Variants in SYTL2 observed in about 807,000 individuals in gnomAD.
SYTL2 encodes synaptotagmin-like protein 2.
SYTL2 carries 165 observed loss-of-function variants against 198.7 expected under a neutral mutation model. The ratio of observed to expected loss-of-function variants is 0.83; its 90% CI spans 0.73 to 0.94. The LOEUF is 0.94. Ranked by LOEUF, SYTL2 falls within the 40% of genes least tolerant of loss-of-function variation. SYTL2 has a pLI of 0.00. For missense variants in SYTL2, 2,835 were observed against 2,582.8 expected (o/e 1.10, Z -2.12); for synonymous variants, 966 against 917.7 (o/e 1.05, Z -0.95).
chr11:85,759,797 G>T (rs1465882167), intron 1 of SYTL2, among the ~76,000 whole-genome samples: 1 of 152,124 alleles, frequency 6.6e-6, no homozygotes, highest in East Asian at 1.9e-4. Context: ...GCATGTGCTT[G>T]CATATGCTAC....
the SYTL2 span, among the ~76,000 whole-genome samples, chr11:85,831,800 C>T: frequency 6.6e-6 from 1 of 152,094 alleles, no homozygotes; most frequent in South Asian, 2.1e-4. Flanking sequence ...CAACAAAAAA[C>T]TCAGGAGTGA....
At chr11:85,711,885 C>T (rs2086360506) in intron 12 of SYTL2, among the ~76,000 whole-genome samples, 1 of 152,000 alleles carries the variant, frequency 6.6e-6, no homozygotes, top group South Asian at 2.1e-4. Flanking sequence ...TAGATTTTAA[C>T]ACATTTTTTA....
intron 7 of SYTL2, among the ~76,000 whole-genome samples, chr11:85,732,005 C>G (rs899380789): frequency 3.9e-5 from 6 of 152,204 alleles, no homozygotes; most frequent in African/African-American, 1.4e-4. Flanking sequence ...CTCATTATCA[C>G]TGGTCATTAG....
At chr11:85,782,795 C>T (rs1045466989) in intron 1 of SYTL2, among the ~76,000 whole-genome samples, 2 of 152,238 alleles carry the variant, frequency 1.3e-5, no homozygotes, top group African/African-American at 2.4e-5. Flanking sequence ...TGCCACCAGT[C>T]TCTTTACCAA....
At chr11:85,713,529 G>A (rs988921826) in intron 12 of SYTL2, among the ~76,000 whole-genome samples, 1 of 152,118 alleles carries the variant, frequency 6.6e-6, no homozygotes, top group African/African-American at 2.4e-5. Context: ...CCAAAGCTTA[G>A]GCTCCTAACT....
the SYTL2 span, among the ~76,000 whole-genome samples, chr11:85,816,758 A>G: frequency 3.9e-5 from 6 of 152,096 alleles, 1 homozygote; most frequent in Non-Finnish European, 7.4e-5. Context: ...AAAAATAAAA[A>G]TAAAAAATAG....
At chr11:85,828,801 G>A in the SYTL2 span, among the ~76,000 whole-genome samples, 943 of 152,332 alleles carry the variant, frequency 6.2e-3, 11 homozygotes, top group African/African-American at 0.022. Context: ...CCTGCTAGTA[G>A]GGGTACAGCC....
chr11:85,744,441 A>G (rs1005017946), intron 4 of SYTL2, among the ~76,000 whole-genome samples: 2 of 152,204 alleles, frequency 1.3e-5, no homozygotes, highest in African/African-American at 4.8e-5. Context: ...AATATTACAA[A>G]TAGTCCCAGA....
intron 1 of SYTL2, among the ~76,000 whole-genome samples, chr11:85,773,562 C>T (rs993628780): frequency 6.6e-6 from 1 of 152,024 alleles, no homozygotes; most frequent in Non-Finnish European, 1.5e-5. Context: ...TGTCTGTTTC[C>T]TTATCCGTCT....
At chr11:85,761,389 GT>G (rs1212253132) in intron 1 of SYTL2, among the ~76,000 whole-genome samples, 1 of 152,172 alleles carries the variant, frequency 6.6e-6, no homozygotes, top group East Asian at 1.9e-4. Context: ...GGGTTCTGAG[GT>G]GGGAGTTGTC....
the SYTL2 span, among the ~76,000 whole-genome samples, chr11:85,838,607 G>T: frequency 6.6e-6 from 1 of 152,110 alleles, no homozygotes; most frequent in Non-Finnish European, 1.5e-5. Flanking sequence ...AAGTGCGAGA[G>T]AGTGCCAGGG....
the SYTL2 span, among the ~76,000 whole-genome samples, chr11:85,830,896 C>T: frequency 1.3e-5 from 2 of 152,340 alleles, no homozygotes; most frequent in South Asian, 2.1e-4. Flanking sequence ...AAACTACCTA[C>T]ATCCCAAGTT....
intron 1 of SYTL2, among the ~76,000 whole-genome samples, chr11:85,767,994 G>A (rs1040121390): frequency 6.6e-6 from 1 of 152,216 alleles, no homozygotes; most frequent in Admixed American, 6.5e-5. Context: ...CTGAGAATTA[G>A]TGTCTCCTTA....
intron 18 of SYTL2, 57 bp from the exon 19 acceptor site, chr11:85,696,445 T>C: frequency 7.7e-7 from 1 of 1,292,128 alleles, no homozygotes; most frequent in Non-Finnish European, 1.1e-6. Flanking sequence ...ACATTCATGC[T>C]TTCAATACAT....
At position 85,727,758 on chromosome 11, in the gene SYTL2, C is replaced by T. The variant is rs1451912299; in HGVS notation, c.1600G>A (p.Asp534Asn). ...GGATGTTGGAGGAATGACTTATTGT[C>T]ATCTGAATAAGAACTTCGGTTAAAC... ...DWFNRSSYSD[D>N]NKSFLQHPRG... Residue 534 changes from aspartate to asparagine, a missense_variant, in exon 8 of 20, where the codon GAC (aspartate) becomes AAC (asparagine). This residue lies in a region of SYTL2 where 2,645 missense variants were observed against 2,381.7 expected (regional missense o/e 1.11). Coordinates refer to ENST00000359152, the MANE Select transcript of SYTL2 (RefSeq NM_206927.4). 2 of 1,562,072 alleles carry T rather than the reference C, an allele frequency of 1.3e-6. No homozygotes were observed. The highest frequency in any genetic ancestry group is 1.7e-6 in the Non-Finnish European group (2 of 1,152,748).
In SYTL2 at chr11:85,757,992, G is replaced by A. The variant is rs1329474829; in HGVS notation, c.-267C>T. On this transcript the variant is annotated 5_prime_UTR_variant, in exon 2 of 20. Coordinates refer to ENST00000359152, the MANE Select transcript of SYTL2 (RefSeq NM_206927.4). ...GGATGCTGTATTCCTTGCCAAACAG[G>A]TCGCTTGTTCCTATGGTGGCTTCCA... The A allele has an allele frequency of 2.6e-6, 1 of 384,306 alleles. No homozygotes were observed. Among genetic ancestry groups the A allele is most frequent in the Non-Finnish European group, 4.9e-6 (1 of 204,278 alleles). The allele number at this position is 384,306 out of a possible 1,614,324, so 23.8% of individuals were successfully genotyped here. A position where few individuals can be genotyped will look rare whatever the true frequency, so the allele number is the denominator to read the frequency against.
chr11:85,822,967 C>T, the SYTL2 span, among the ~76,000 whole-genome samples: 2 of 152,236 alleles, frequency 1.3e-5, no homozygotes, highest in African/African-American at 4.8e-5. Context: ...GTAAGGTCGC[C>T]ATGCTGGCTT....
chr11:85,826,355 C>G, the SYTL2 span, among the ~76,000 whole-genome samples: 2 of 152,192 alleles, frequency 1.3e-5, no homozygotes, highest in Non-Finnish European at 2.9e-5. Flanking sequence ...AAATTAGGAC[C>G]ACTGTCTGTG....
At chr11:85,754,789 G>A (rs1163379193) in intron 2 of SYTL2, among the ~76,000 whole-genome samples, 2 of 152,160 alleles carry the variant, frequency 1.3e-5, no homozygotes, top group African/African-American at 2.4e-5. Flanking sequence ...GCAAACGCAT[G>A]TCAGTTTCAT....
Sources: gnomAD v4.1 joint callset for allele counts (sites outside exome capture counted in the v4.1 genomes callset) on GRCh38, gnomAD v4.1.1 for gene constraint, gnomAD v4.1.1 regional missense constraint, MANE v1.5 for transcripts, NCBI Gene and HGNC (gene_info 2026-07-23, HGNC 2026-07-21) for gene names.